Variants in NT5C1B observed in about 807,000 individuals in gnomAD.
NT5C1B encodes 5'-nucleotidase, cytosolic IB, also known as cytosolic 5'-nucleotidase 1B.
Under a neutral mutation model 57.8 loss-of-function variants are expected in NT5C1B, and 44 were observed. That is an observed-to-expected ratio of 0.76 (90% CI 0.60 to 0.98). The LOEUF is 0.98. NT5C1B is among the 50% of genes least tolerant of loss of function. The pLI is 0.00. For synonymous variants in NT5C1B, 284 were observed against 282.6 expected (o/e 1.00, Z -0.05); for missense variants, 742 against 719.5 (o/e 1.03, Z -0.36).
At chr2:18,565,500 A>G (rs1664568392) in intron 8 of NT5C1B, among the ~76,000 whole-genome samples, 2 of 152,202 alleles carry the variant, frequency 1.3e-5, no homozygotes, top group African/African-American at 2.4e-5. Flanking sequence ...ACAAGATCTT[A>G]TAAGTAGTGC....
At position 18,584,167 on chromosome 2, in the gene NT5C1B, C is replaced by A. The variant is rs1558385999; in HGVS notation, c.812G>T (p.Gly271Val). The change falls in exon 5 of 9, where the codon GGT becomes GTT. Residue 271 changes from glycine (G) to valine (V), a missense_variant. By Grantham distance (109) the Gly-to-Val change is moderately radical. Transcript: ENST00000304081. This position sits in a 1 kb window ranked among gnomAD's most constrained non-coding sequence, Gnocchi z 5.8. ...CTGATACTCCATGTACTTTTCCAGACCCTCTTGCTCGTAGATTTTCCTGCC... is the reference window on the plus strand; with the variant it reads ...CTGATACTCCATGTACTTTTCCAGAACCTCTTGCTCGTAGATTTTCCTGCC... The A allele has an allele frequency of 3.1e-6, 5 of 1,614,166 alleles. No individual in the cohort carries two copies. Among genetic ancestry groups the A allele is most frequent in the African/African-American group, 1.3e-5 (1 of 75,022 alleles).
rs756752501 is a variant in NT5C1B at position 18,589,428 on chromosome 2, G to T, written c.30+11C>A. Reference sequence around the variant, plus strand: ...CCCATGGCAAGATTCTAAGACACTCGGTTCACTCACCTTTTTCTGTTTGAG... The same window carrying T: ...CCCATGGCAAGATTCTAAGACACTCTGTTCACTCACCTTTTTCTGTTTGAG... On this transcript the variant is annotated intron_variant, in intron 1 of 8. Transcript: ENST00000304081. 1 of 1,613,954 alleles carries T rather than the reference G, an allele frequency of 6.2e-7. No individual in the cohort carries two copies. The highest frequency in any genetic ancestry group is 8.5e-7 in the Non-Finnish European group (1 of 1,179,976).
At chr2:18,570,580 A>G (rs1665060790) in intron 8 of NT5C1B, among the ~76,000 whole-genome samples, 1 of 152,176 alleles carries the variant, frequency 6.6e-6, no homozygotes, top group Non-Finnish European at 1.5e-5. Context: ...TATAGCTATC[A>G]AAATAATTGA....
rs1666440492 is a variant in NT5C1B, at chr2:18,584,110, C to T, written c.869G>A (p.Gly290Asp). Residue 290 changes from glycine to aspartate, a missense_variant, in exon 5 of 9, where the codon GGC becomes GAC. By Grantham distance (94) the Gly-to-Asp change is moderately conservative. Transcript: ENST00000304081. This position sits in a 1 kb window ranked among gnomAD's most constrained non-coding sequence, Gnocchi z 5.8. Reference sequence around the variant, plus strand: ...TACCTTGACGAAGCGGAACGCCGGGCCCGGGGTCAGGATGACGTTCTCATT... The same window carrying T: ...TACCTTGACGAAGCGGAACGCCGGGTCCGGGGTCAGGATGACGTTCTCATT... 1 of 1,614,186 alleles carries T rather than the reference C, an allele frequency of 6.2e-7. No homozygotes were observed. Among genetic ancestry groups the T allele is most frequent in the Non-Finnish European group, 8.5e-7 (1 of 1,180,050 alleles).
chr2:18,589,380 A>G, intron 1 of NT5C1B, 59 bp downstream of exon 1: 2 of 1,609,764 alleles, frequency 1.2e-6, no homozygotes, highest in East Asian at 2.2e-5. Flanking sequence ...CAAATGATGG[A>G]CTGATATCCA....
At chr2:18,580,895 A>C (rs1341385715) in intron 6 of NT5C1B, among the ~76,000 whole-genome samples, 1 of 152,220 alleles carries the variant, frequency 6.6e-6, no homozygotes. Flanking sequence ...CATTGAGTAC[A>C]CATGGACACA....
intron 8 of NT5C1B, among the ~76,000 whole-genome samples, chr2:18,571,188 G>T (rs977590912): frequency 1.3e-5 from 2 of 152,134 alleles, no homozygotes; most frequent in African/African-American, 4.8e-5. Flanking sequence ...AGGTAAAAAG[G>T]CAAGAATGAT....
At chr2:18,576,439 A>T (rs966040264) in intron 7 of NT5C1B, 71 bp from the exon 8 acceptor site, 1 of 1,514,932 alleles carries the variant, frequency 6.6e-7, no homozygotes, top group African/African-American at 1.4e-5. Context: ...ATTAAAAAAA[A>T]CAAATTCTCC....
intron 8 of NT5C1B, among the ~76,000 whole-genome samples, chr2:18,575,257 A>G (rs1216404376): frequency 6.6e-6 from 1 of 152,062 alleles, no homozygotes; most frequent in African/African-American, 2.4e-5. Flanking sequence ...AGAACTTTAT[A>G]ACACTAGGTC....
Position 18,571,746 on chromosome 2 carries a change from A to G in NT5C1B, c.1329+4438T>C, listed in dbSNP as rs1289068550. Among the ~76,000 whole-genome samples, 16 of 85,136 alleles carry G rather than the reference A, an allele frequency of 1.9e-4. 1 individual carries two copies. The highest frequency in any genetic ancestry group is 8.6e-4 in the African/African-American group (12 of 13,936). 55.9% of individuals were successfully genotyped at this position (85,136 alleles called of 152,430 possible). A position where few individuals can be genotyped will look rare whatever the true frequency, so the allele number is the denominator to read the frequency against. On this transcript the variant is annotated intron_variant, in intron 8 of 8. Transcript: ENST00000304081. ...TATATATATATATATATATATATAT[A>G]TATATATATATATATATATGTTAAT...
chr2:18,563,763 A>G (rs1664383762), exon 9 of NT5C1B: 1 of 1,481,312 alleles, frequency 6.8e-7, no homozygotes. Flanking sequence ...CTGTAACACC[A>G]GACTATCACC....
intron 6 of NT5C1B, among the ~76,000 whole-genome samples, chr2:18,579,815 A>G (rs945730957): frequency 6.6e-6 from 1 of 152,252 alleles, no homozygotes; most frequent in Non-Finnish European, 1.5e-5. Flanking sequence ...GAGCTTCTGC[A>G]TAGCAAAAGA....
In NT5C1B at chr2:18,584,742, G is replaced by A; in HGVS notation, c.495C>T (p.Arg165=). Residue 165 remains arginine (R), a synonymous_variant, in exon 4 of 9, where the codon CGC becomes CGT. Coordinates refer to ENST00000304081, the Ensembl canonical transcript of NT5C1B. The surrounding 1 kb of genome is among the most constrained non-coding windows in gnomAD (Gnocchi z 5.8). The stretch of plus-strand genomic sequence containing the variant: ...CCAGCGGCTGCGAGTCCCGGGTCTG[G>A]CGGATTTCCCGCACGATGCCTTGGG... 2.5e-6 allele frequency: 4 copies of A among 1,613,524 alleles called. No homozygotes were observed. Among genetic ancestry groups the A allele is most frequent in the Non-Finnish European group, 3.4e-6 (4 of 1,179,744 alleles).
At chr2:18,573,824 A>G (rs1268463834) in intron 8 of NT5C1B, among the ~76,000 whole-genome samples, 1 of 152,150 alleles carries the variant, frequency 6.6e-6, no homozygotes, top group Non-Finnish European at 1.5e-5. Flanking sequence ...AAAAAATGGC[A>G]TGTTTTTTAA....
At chr2:18,563,121 C>T (rs1344029821) in exon 9 of NT5C1B, 12 of 151,600 alleles carry the variant, frequency 7.9e-5, no homozygotes, top group Non-Finnish European at 1.0e-4. Flanking sequence ...GGCCCAAAGC[C>T]GGAGACTTCA....
At chr2:18,576,026 T>C (rs1024935204) in intron 8 of NT5C1B, among the ~76,000 whole-genome samples, 158 bp downstream of exon 8, 1 of 152,100 alleles carries the variant, frequency 6.6e-6, no homozygotes, top group Non-Finnish European at 1.5e-5. Flanking sequence ...AAGTGAGCCA[T>C]TCATGAAAGA....
intron 8 of NT5C1B, among the ~76,000 whole-genome samples, chr2:18,570,492 A>C (rs1034364574): frequency 3.3e-5 from 5 of 152,262 alleles, no homozygotes; most frequent in Middle Eastern, 3.4e-3. Flanking sequence ...TATTTAAATG[A>C]ACAAATTCCT....
chr2:18,568,037 AAG>A (rs1664802568), intron 8 of NT5C1B, among the ~76,000 whole-genome samples: 1 of 151,452 alleles, frequency 6.6e-6, no homozygotes, highest in South Asian at 2.1e-4. Flanking sequence ...TGAAAAGAGA[AAG>A]AGAAAAAAAG....
At chr2:18,571,718 G>GTGTGTGTATGTA (rs1246189018) in intron 8 of NT5C1B, among the ~76,000 whole-genome samples, 7 of 111,444 alleles carry the variant, frequency 6.3e-5, no homozygotes, top group African/African-American at 2.2e-4. Flanking sequence ...CTGTGTGTGT[G>GTGTGTGTATGTA]TATATATATA....
Sources: gnomAD v4.1 joint callset for allele counts (sites outside exome capture counted in the v4.1 genomes callset) on GRCh38, gnomAD v4.1.1 for gene constraint, Gnocchi (gnomAD v3.1) non-coding constraint, MANE v1.5 for transcripts, NCBI Gene and HGNC (gene_info 2026-07-23, HGNC 2026-07-21) for gene names.